The following HCK variants were observed in gnomAD, a reference collection of about 807,000 sequenced individuals.
The protein encoded by HCK is tyrosine-protein kinase HCK.
In HCK, 40 loss-of-function variants were observed where a neutral mutation model predicts 70.4. That is an observed-to-expected ratio of 0.57 (90% CI 0.44 to 0.74). HCK has a LOEUF of 0.74. Ranked by LOEUF, HCK falls within the 30% of genes least tolerant of loss-of-function variation. The probability of loss-of-function intolerance (pLI) is 0.00; values close to 1 mark genes in which losing one functional copy is unlikely to be tolerated. For synonymous variants in HCK, 245 were observed against 263.2 expected (o/e 0.93, Z 0.67); for missense variants, 568 against 697.2 (o/e 0.81, Z 2.09).
At chr20:32,069,819 TG>T in intron 1 of HCK, 1 of 1,183,066 alleles carries the variant, frequency 8.5e-7, no homozygotes, top group South Asian at 1.4e-5. Flanking sequence ...CCTAGGAGTT[TG>T]GGGTTTTTTT....
At chr20:32,084,066 C>T (rs1471049116) in intron 7 of HCK, 23 bp downstream of exon 7, 7 of 1,609,214 alleles carry the variant, frequency 4.3e-6, no homozygotes, top group Non-Finnish European at 5.9e-6. Context: ...CCAGGGGTGA[C>T]ATCCCCACCA....
chr20:32,101,248 C>A, intron 12 of HCK, 69 bp from the exon 13 acceptor site: 1 of 1,444,586 alleles, frequency 6.9e-7, no homozygotes, highest in Admixed American at 1.9e-5. Context: ...GGGGAGGCCA[C>A]AGGGCCTGCC....
intron 1 of HCK, among the ~76,000 whole-genome samples, chr20:32,060,837 A>G (rs1273831241): frequency 1.3e-5 from 2 of 152,202 alleles, no homozygotes; most frequent in Admixed American, 6.5e-5. Context: ...AAACCAGGAG[A>G]GGACAGGAGA....
intron 1 of HCK, among the ~76,000 whole-genome samples, chr20:32,060,642 TAAAC>T (rs1427804622): frequency 4.6e-5 from 7 of 152,262 alleles, no homozygotes; most frequent in African/African-American, 1.7e-4. Context: ...AGATGGATAA[TAAAC>T]AAATCAACAG....
Position 32,088,320 on chromosome 20 carries a change from G to T in HCK, c.1016-248G>T, listed in dbSNP as rs530366152. Reference sequence around the variant, plus strand: ...AATTATGCCAGTCCTGTGAAGGCATGATCCCAGCCATCCAGGCTCAGGGGC... The same window carrying T: ...AATTATGCCAGTCCTGTGAAGGCATTATCCCAGCCATCCAGGCTCAGGGGC... On this transcript the variant is annotated intron_variant, in intron 9 of 12. Transcript: ENST00000375852. Among the ~76,000 whole-genome samples the T allele has an allele frequency of 3.3e-5, 5 of 152,270 alleles. No individual in the cohort carries two copies. The South Asian group carries it at 1.0e-3, about 32-fold the overall frequency.
intron 5 of HCK, among the ~76,000 whole-genome samples, chr20:32,079,119 A>G (rs2045671991): frequency 6.6e-6 from 1 of 152,216 alleles, no homozygotes; most frequent in African/African-American, 2.4e-5. Flanking sequence ...CTGCTGCTTG[A>G]ACTTTTCCAC....
chr20:32,100,647 A>G (rs2046021006), intron 12 of HCK, among the ~76,000 whole-genome samples: 1 of 152,200 alleles, frequency 6.6e-6, no homozygotes, highest in African/African-American at 2.4e-5. Flanking sequence ...GACTAATAAT[A>G]TAAAATTGGG....
chr20:32,053,710 A>G (rs1300368013), intron 1 of HCK, among the ~76,000 whole-genome samples: 1 of 151,542 alleles, frequency 6.6e-6, no homozygotes, highest in Non-Finnish European at 1.5e-5. Context: ...ACACAGGCTT[A>G]ATGTATGTTA....
intron 1 of HCK, among the ~76,000 whole-genome samples, chr20:32,053,916 A>T (rs956839066): frequency 2.0e-5 from 3 of 151,982 alleles, no homozygotes; most frequent in African/African-American, 7.2e-5. Context: ...TTTGAGAACC[A>T]CTGGGGTAGC....
chr20:32,099,583 G>A lies in HCK; in HGVS notation c.1378+448G>A, dbSNP rs2046005924. 4.6e-5 allele frequency among the ~76,000 whole-genome samples: 7 copies of A among 151,960 alleles called. No individual in the cohort carries two copies. The South Asian group carries it at 1.5e-3, about 32-fold the overall frequency. ...ATGTTGGCCAGGCTGGTCTCGAACT[G>A]CTGACCTTAGGTGATGCGCCTGCCT... On this transcript the variant is annotated intron_variant, in intron 12 of 12. Coordinates refer to ENST00000375852, the MANE Select transcript of HCK (RefSeq NM_002110.5).
At chr20:32,079,473 T>G (rs1020947295) in intron 5 of HCK, among the ~76,000 whole-genome samples, 1 of 152,144 alleles carries the variant, frequency 6.6e-6, no homozygotes, top group African/African-American at 2.4e-5. Flanking sequence ...CCTATCAGCT[T>G]TTTGCACTTG....
intron 11 of HCK, among the ~76,000 whole-genome samples, chr20:32,096,724 A>G: frequency 6.6e-6 from 1 of 151,588 alleles, no homozygotes; most frequent in Non-Finnish European, 1.5e-5. Context: ...CTGGTCTCAA[A>G]CTCCTGGACT....
intron 10 of HCK, among the ~76,000 whole-genome samples, chr20:32,091,239 C>T (rs1371929530): frequency 6.6e-6 from 1 of 152,246 alleles, no homozygotes; most frequent in Non-Finnish European, 1.5e-5. Context: ...ACAGTGGTAA[C>T]TACCAGCATT....
At chr20:32,084,368 A>G (rs769171417) in intron 7 of HCK, 23 bp from the exon 8 acceptor site, 5 of 1,601,454 alleles carry the variant, frequency 3.1e-6, no homozygotes, top group South Asian at 2.2e-5. Context: ...GTTGCTCTCA[A>G]TTGACCAGGG....
At chr20:32,066,775 TA>T (rs1233509064) in intron 1 of HCK, among the ~76,000 whole-genome samples, 1 of 152,202 alleles carries the variant, frequency 6.6e-6, no homozygotes, top group Admixed American at 6.5e-5. Flanking sequence ...AGCTCAGAGA[TA>T]AATCTAGTAC....
intron 1 of HCK, among the ~76,000 whole-genome samples, chr20:32,068,517 A>C (rs2045493205): frequency 6.6e-6 from 1 of 152,156 alleles, no homozygotes; most frequent in Non-Finnish European, 1.5e-5. Context: ...GTGACCATGA[A>C]CATGGACATT....
intron 1 of HCK, among the ~76,000 whole-genome samples, chr20:32,054,919 C>A (rs1453032198): frequency 6.6e-6 from 1 of 152,204 alleles, no homozygotes; most frequent in East Asian, 1.9e-4. Flanking sequence ...TCAAAATCTA[C>A]CCAGGATGAG....
intron 9 of HCK, among the ~76,000 whole-genome samples, chr20:32,087,976 T>A (rs924366552): frequency 1.3e-5 from 2 of 152,152 alleles, no homozygotes; most frequent in African/African-American, 2.4e-5. Flanking sequence ...GGTCTCGCCA[T>A]CTTGCCCCAG....
intron 6 of HCK, among the ~76,000 whole-genome samples, chr20:32,082,103 T>C (rs2045715968): frequency 6.6e-6 from 1 of 152,180 alleles, no homozygotes; most frequent in South Asian, 2.1e-4. Flanking sequence ...CTGTGCCACT[T>C]ACCAGCTGTG....
Sources: gnomAD v4.1 joint callset for allele counts (sites outside exome capture counted in the v4.1 genomes callset) on GRCh38, gnomAD v4.1.1 for gene constraint, MANE v1.5 for transcripts, NCBI Gene and HGNC (gene_info 2026-07-23, HGNC 2026-07-21) for gene names.